TTK: variants seen among roughly 807,000 people sequenced by gnomAD.
TTK encodes the protein TTK protein kinase, also known as dual specificity protein kinase TTK.
In TTK, 59 loss-of-function variants were observed where a neutral mutation model predicts 117.3. The observed-to-expected ratio is 0.50, with a 90% CI of 0.41 to 0.62. The LOEUF is 0.62. Ranked by LOEUF, TTK falls within the 20% of genes least tolerant of loss-of-function variation. TTK has a pLI of 0.00. For missense variants in TTK, 921 were observed against 989.4 expected, an observed-to-expected ratio of 0.93 and a Z score of 0.93; for synonymous variants, 302 against 325.0, an observed-to-expected ratio of 0.93 and a Z score of 0.76.
intron 2 of TTK, chr6:80,006,266 C>T: frequency 5.6e-6 from 2 of 358,570 alleles, no homozygotes; most frequent in Non-Finnish European, 1.0e-5. Flanking sequence ...AGTATTAGCT[C>T]AGAAGCCTGA....
chr6:80,034,524 C>T (rs1212723112), intron 14 of TTK, among the ~76,000 whole-genome samples: 1 of 152,100 alleles, frequency 6.6e-6, no homozygotes, highest in Non-Finnish European at 1.5e-5. Flanking sequence ...GACCGTGTCT[C>T]ACTATTTTGC....
chr6:80,011,633 A>G (rs1459332831), intron 6 of TTK, 85 bp downstream of exon 6: 3 of 1,536,700 alleles, frequency 2.0e-6, no homozygotes, highest in African/African-American at 2.8e-5. Flanking sequence ...GTATCTGCAT[A>G]TATGTTTTCA....
chr6:80,018,461 CA>C (rs34854423), intron 10 of TTK, among the ~76,000 whole-genome samples: 90,202 of 144,244 alleles, frequency 0.63, 27,904 homozygotes, highest in Admixed American at 0.73. Context: ...GCTAAAAATA[CA>C]AAAAAAAAAA....
At position 80,035,318 on chromosome 6, in the gene TTK, C is replaced by T. The variant is rs540538876; in HGVS notation, c.1825C>T (p.Leu609Phe). 200 of 1,611,862 alleles carry T rather than the reference C, an allele frequency of 1.2e-4. No homozygotes were observed. The highest frequency in any genetic ancestry group is 7.4e-4 in the South Asian group (67 of 90,666). The change falls in exon 16 of 22, where the codon CTT (leucine) becomes TTT (phenylalanine). Residue 609 changes from leucine to phenylalanine, a missense_variant. Coordinates refer to ENST00000369798, the MANE Select transcript of TTK (RefSeq NM_003318.5). ...YMVMECGNID[L>F]NSWLKKKKSI... ...GGTAATGGAGTGTGGAAATATTGAT[C>T]TTAATAGTTGGCTTAAAAAGAAAAA...
rs199565621 is a variant in TTK at position 80,027,929 on chromosome 6, A to C, written c.1439A>C (p.Gln480Pro). The change falls in exon 13 of 22, where the codon CAG (glutamine) becomes CCG (proline). Residue 480 changes from glutamine (Q) to proline (P), a missense_variant. Gln to Pro is a moderately conservative substitution (Grantham distance 76). Transcript: ENST00000369798. Reference sequence around the variant, plus strand: ...AAGAATGACTTTCCACCTGCTTGTCAGTTGTCAACACCTTATGGCCAACCT... The same window carrying C: ...AAGAATGACTTTCCACCTGCTTGTCCGTTGTCAACACCTTATGGCCAACCT... ...VVKNDFPPAC[Q>P]LSTPYGQPAC... The C allele has an allele frequency of 4.0e-5, 65 of 1,607,766 alleles. No individual in the cohort carries two copies. Among genetic ancestry groups the C allele is most frequent in the Non-Finnish European group, 3.4e-6 (4 of 1,176,346 alleles).
intron 13 of TTK, 53 bp from the exon 14 acceptor site, chr6:80,031,414 C>A: frequency 9.5e-7 from 1 of 1,053,898 alleles, no homozygotes; most frequent in Non-Finnish European, 1.3e-6. Flanking sequence ...CAAATGTAAG[C>A]TAGTTTCTTA....
chr6:80,014,571 C>T lies in TTK; in HGVS notation c.1093C>T (p.Leu365=), dbSNP rs781256573. 1 of 1,596,136 alleles carries T rather than the reference C, an allele frequency of 6.3e-7. No homozygotes were observed. Among genetic ancestry groups the T allele is most frequent in the Admixed American group, 1.7e-5 (1 of 57,668 alleles). ...GAAGAATAAAACGGAATCAAGTCTT[C>T]TAGCTAAATTAGAAGGTAAGAGTAA... ...TLKNKTESSL[L]AKLEETKEYQ... Residue 365 remains leucine (L), a synonymous_variant, in exon 10 of 22, where the codon CTA becomes TTA. Transcript: ENST00000369798.
chr6:80,032,849 T>A (rs1767795237), intron 14 of TTK, among the ~76,000 whole-genome samples: 1 of 152,220 alleles, frequency 6.6e-6, no homozygotes, highest in South Asian at 2.1e-4. Flanking sequence ...TCTATTTTTT[T>A]AAATTGTATA....
chr6:80,036,425 C>T (rs1261007174), intron 16 of TTK, 50 bp from the exon 17 acceptor site: 3 of 1,534,850 alleles, frequency 2.0e-6, no homozygotes, highest in Non-Finnish European at 1.8e-6. Context: ...TTTTTTGGTC[C>T]TTAGAATGTT....
chr6:80,039,105 G>A (rs1767979978), intron 18 of TTK, among the ~76,000 whole-genome samples: 1 of 151,996 alleles, frequency 6.6e-6, no homozygotes, highest in African/African-American at 2.4e-5. Context: ...TGAAATGATT[G>A]GAATTGTGTA....
rs1479283240 is a variant in TTK, at chr6:80,011,765, C to T, written c.765C>T (p.Tyr255=). The part of the protein sequence containing the change: ...NMPPQDAEIG[Y]RNSLRQTNKT... ...CACCACAAGATGCAGAAATAGGTTA[C>T]CGGAATTCATTGAGACAAACTAACA... is the stretch of plus-strand genomic sequence containing the variant. Residue 255 remains tyrosine (Y), a synonymous_variant, in exon 7 of 22, where the codon TAC becomes TAT. Coordinates refer to ENST00000369798, the MANE Select transcript of TTK (RefSeq NM_003318.5). The T allele has an allele frequency of 6.2e-7, 1 of 1,612,728 alleles. No homozygotes were observed. The highest frequency in any genetic ancestry group is 8.5e-7 in the Non-Finnish European group (1 of 1,179,184).
intron 13 of TTK, among the ~76,000 whole-genome samples, chr6:80,028,779 T>G (rs1459035314): frequency 1.3e-5 from 2 of 152,158 alleles, no homozygotes; most frequent in Non-Finnish European, 2.9e-5. Flanking sequence ...AGAGGAAAGA[T>G]TTTTTGCTGA....
chr6:80,026,294 T>G (rs1767602296), intron 11 of TTK, 84 bp from the exon 12 acceptor site: 2 of 1,388,642 alleles, frequency 1.4e-6, no homozygotes, highest in South Asian at 1.4e-5. Context: ...ATTATTTTAT[T>G]TTAAAAGTTA....
intron 14 of TTK, among the ~76,000 whole-genome samples, chr6:80,034,163 C>CT (rs2127681897): frequency 6.6e-6 from 1 of 152,224 alleles, no homozygotes; most frequent in East Asian, 1.9e-4. Flanking sequence ...CTTTATGAAA[C>CT]TAATACCATT....
Position 80,013,380 on chromosome 6 carries a change from A to C in TTK, c.984+14A>C. ...AGAAATTTAAAGGTATTTTAATTCT[A>C]TATCATTATATAAAGCAAGGGTTCC... is the stretch of plus-strand genomic sequence containing the variant. On this transcript the variant is annotated intron_variant, in intron 9 of 21. Transcript: ENST00000369798. 1 of 1,567,160 alleles carries C rather than the reference A, an allele frequency of 6.4e-7. No individual in the cohort carries two copies. Among genetic ancestry groups the C allele is most frequent in the Non-Finnish European group, 8.7e-7 (1 of 1,153,542 alleles).
intron 13 of TTK, 142 bp downstream of exon 13, chr6:80,028,153 C>A: frequency 1.1e-6 from 1 of 890,480 alleles, no homozygotes; most frequent in Non-Finnish European, 1.6e-6. Flanking sequence ...TTCTGATATT[C>A]TAATAAGAGT....
Position 80,007,993 on chromosome 6 carries a change from T to G in TTK, c.324T>G (p.Ser108Arg). The stretch of plus-strand genomic sequence containing the variant: ...CAGATAAATATGGCCAAAATGAGAG[T>G]TTTGCTAGAATTCAAGTGAGATTTG... The part of the protein sequence containing the change: ...LPPDKYGQNE[S>R]FARIQVRFAE... The change falls in exon 3 of 22, where the codon AGT (serine) becomes AGG (arginine). Residue 108 changes from serine (S) to arginine (R), a missense_variant. Coordinates refer to ENST00000369798, the MANE Select transcript of TTK (RefSeq NM_003318.5). 2.5e-5 allele frequency: 31 copies of G among 1,219,318 alleles called. No homozygotes were observed. The highest frequency in any genetic ancestry group is 3.5e-5 in the Non-Finnish European group (29 of 827,480). The allele number at this position is 1,219,318 out of a possible 1,614,324, so 75.5% of individuals were successfully genotyped here.
At position 80,023,562 on chromosome 6, in the gene TTK, C is replaced by T. The variant is rs142871979; in HGVS notation, c.1257+1090C>T. Among the ~76,000 whole-genome samples, 993 of 152,034 alleles carry T rather than the reference C, an allele frequency of 6.5e-3. 8 individuals carry two copies. The highest frequency in any genetic ancestry group is 0.021 in the African/African-American group (889 of 41,452). On this transcript the variant is annotated intron_variant, in intron 11 of 21. Transcript: ENST00000369798. The stretch of plus-strand genomic sequence containing the variant: ...GAGCAGATATCATGCCACTGCACTC[C>T]GGCCTGGGTGACAGAGCGAGACTCT...
At chr6:80,011,163 A>G (rs571995898) in intron 5 of TTK, among the ~76,000 whole-genome samples, 18 of 151,976 alleles carry the variant, frequency 1.2e-4, no homozygotes, top group South Asian at 4.2e-4. Context: ...TCGTTAACAC[A>G]TGAAAAACAA....
Sources: gnomAD v4.1 joint callset for allele counts (sites outside exome capture counted in the v4.1 genomes callset) on GRCh38, gnomAD v4.1.1 for gene constraint, MANE v1.5 for transcripts, NCBI Gene and HGNC (gene_info 2026-07-23, HGNC 2026-07-21) for gene names.